Variants in KIF6 observed in about 807,000 individuals in gnomAD.
KIF6 encodes the protein kinesin-like protein KIF6.
KIF6 carries 106 observed loss-of-function variants against 112.7 expected under a neutral mutation model. That is an observed-to-expected ratio of 0.94 (90% CI 0.80 to 1.11). The LOEUF is 1.11. Among genes scored for constraint, KIF6 ranks in the 50% least tolerant of loss-of-function variants. The pLI is 0.00. For synonymous variants in KIF6, 339 were observed against 339.9 expected, an observed-to-expected ratio of 1.00 and a Z score of 0.03; for missense variants, 929 against 964.0, an observed-to-expected ratio of 0.96 and a Z score of 0.48.
At chr6:39,666,598 T>A (rs972818707) in intron 3 of KIF6, among the ~76,000 whole-genome samples, 1 of 152,228 alleles carries the variant, frequency 6.6e-6, no homozygotes, top group Non-Finnish European at 1.5e-5. Context: ...TAGTGTGTTC[T>A]GTAACACTGG....
intron 16 of KIF6, among the ~76,000 whole-genome samples, chr6:39,371,619 G>A (rs1328086384): frequency 1.3e-5 from 2 of 152,108 alleles, no homozygotes; most frequent in Non-Finnish European, 2.9e-5. Context: ...CTGCCTTGCT[G>A]CAGTGACTAT....
At chr6:39,660,089 T>C (rs1337400086) in intron 3 of KIF6, among the ~76,000 whole-genome samples, 1 of 152,172 alleles carries the variant, frequency 6.6e-6, no homozygotes, top group Admixed American at 6.5e-5. Flanking sequence ...GGCAGTAGGA[T>C]TGCTTGAGCT....
chr6:39,407,900 C>T (rs1769199574), intron 15 of KIF6, among the ~76,000 whole-genome samples: 1 of 152,088 alleles, frequency 6.6e-6, no homozygotes, highest in Non-Finnish European at 1.5e-5. Flanking sequence ...AGAGTCAGTA[C>T]CTCCCAATTT....
At chr6:39,580,521 T>G (rs2150644862) in intron 9 of KIF6, among the ~76,000 whole-genome samples, 1 of 152,288 alleles carries the variant, frequency 6.6e-6, no homozygotes, top group East Asian at 1.9e-4. Flanking sequence ...AGTTCAATTC[T>G]TAAGACATTC....
intron 5 of KIF6, among the ~76,000 whole-genome samples, chr6:39,622,165 C>T (rs1783858862): frequency 6.9e-6 from 1 of 145,190 alleles, no homozygotes; most frequent in Admixed American, 6.8e-5. Context: ...GAAAATCCAG[C>T]TCAAAAAAAA....
chr6:39,444,973 G>A (rs372244223), intron 13 of KIF6, among the ~76,000 whole-genome samples: 4 of 152,182 alleles, frequency 2.6e-5, no homozygotes, highest in Non-Finnish European at 4.4e-5. Flanking sequence ...GGGAGGAGCC[G>A]CATCACCTGA....
At chr6:39,518,294 C>G (rs748656989) in intron 13 of KIF6, among the ~76,000 whole-genome samples, 18 of 152,112 alleles carry the variant, frequency 1.2e-4, no homozygotes, top group Non-Finnish European at 2.5e-4. Context: ...TATGTGAGCT[C>G]TATGGTGTGT....
At chr6:39,409,324 G>A (rs1031125609) in intron 15 of KIF6, among the ~76,000 whole-genome samples, 4 of 152,144 alleles carry the variant, frequency 2.6e-5, no homozygotes, top group African/African-American at 9.7e-5. Context: ...CCACCCTTTT[G>A]GCCTTGTTCA....
At chr6:39,689,717 C>T (rs953108979) in intron 3 of KIF6, among the ~76,000 whole-genome samples, 6 of 152,064 alleles carry the variant, frequency 3.9e-5, no homozygotes, top group African/African-American at 1.2e-4. Flanking sequence ...GGATCCTCCC[C>T]ACTCAGCCTC....
intron 21 of KIF6, among the ~76,000 whole-genome samples, chr6:39,344,466 C>T (rs753873261): frequency 6.6e-6 from 1 of 152,150 alleles, no homozygotes; most frequent in Non-Finnish European, 1.5e-5. Context: ...TATGATATGA[C>T]CCCGGGTCAG....
At chr6:39,447,966 A>G (rs1019525447) in intron 13 of KIF6, among the ~76,000 whole-genome samples, 4 of 152,138 alleles carry the variant, frequency 2.6e-5, no homozygotes. Context: ...CGTAACTGCT[A>G]CTGGTCAGCG....
intron 14 of KIF6, among the ~76,000 whole-genome samples, chr6:39,426,388 G>A (rs1770765783): frequency 6.6e-6 from 1 of 152,172 alleles, no homozygotes; most frequent in Non-Finnish European, 1.5e-5. Flanking sequence ...CCAGAGCTTA[G>A]AGATGCTAGA....
At chr6:39,677,145 G>A (rs1473445492) in intron 3 of KIF6, among the ~76,000 whole-genome samples, 1 of 151,938 alleles carries the variant, frequency 6.6e-6, no homozygotes, top group East Asian at 1.9e-4. Flanking sequence ...CTGTACTGTG[G>A]GCTTTAGAAA....
At chr6:39,482,235 T>A (rs1245744193) in intron 13 of KIF6, among the ~76,000 whole-genome samples, 4 of 152,210 alleles carry the variant, frequency 2.6e-5, no homozygotes, top group Non-Finnish European at 5.9e-5. Context: ...CCATTTTGTA[T>A]AACAGGCACC....
At chr6:39,365,528 G>T (rs77051623) in intron 16 of KIF6, among the ~76,000 whole-genome samples, 2,853 of 152,302 alleles carry the variant, frequency 0.019, 98 homozygotes, top group African/African-American at 0.065. Flanking sequence ...TCGCATGTTT[G>T]CTGGCCTTGC....
chr6:39,354,672 T>C (rs998136578), intron 19 of KIF6, among the ~76,000 whole-genome samples: 11 of 152,146 alleles, frequency 7.2e-5, no homozygotes, highest in African/African-American at 1.9e-4. Context: ...TGGGTAAGCA[T>C]TGGGAAAGCC....
chr6:39,366,781 A>G (rs1765586856), intron 16 of KIF6, among the ~76,000 whole-genome samples: 1 of 152,188 alleles, frequency 6.6e-6, no homozygotes, highest in Non-Finnish European at 1.5e-5. Flanking sequence ...AACTGAGGCC[A>G]GACCCTGGAG....
intron 11 of KIF6, among the ~76,000 whole-genome samples, chr6:39,544,900 A>C (rs989334501): frequency 1.3e-5 from 2 of 151,768 alleles, no homozygotes; most frequent in African/African-American, 4.8e-5. Flanking sequence ...CTCCTTCCTC[A>C]ACCCTCTCTC....
intron 16 of KIF6, among the ~76,000 whole-genome samples, chr6:39,373,138 T>C (rs1766155211): frequency 6.6e-6 from 1 of 152,242 alleles, no homozygotes; most frequent in Non-Finnish European, 1.5e-5. Flanking sequence ...TTTTGTCTTC[T>C]ATATGTTTGG....
Sources: allele counts gnomAD v4.1 joint callset (sites outside exome capture counted in the v4.1 genomes callset), GRCh38; gene constraint gnomAD v4.1.1; transcripts MANE v1.5; gene names NCBI Gene and HGNC (gene_info 2026-07-23, HGNC 2026-07-21).